DENND1A: variants seen among roughly 807,000 people sequenced by gnomAD.
DENND1A encodes DENN domain containing 1A, also known as DENN domain-containing protein 1A.
In DENND1A, 51 loss-of-function variants were observed where a neutral mutation model predicts 113.7. That is an observed-to-expected ratio of 0.45 (90% CI 0.36 to 0.57). The LOEUF is 0.57. DENND1A is among the 20% of genes least tolerant of loss of function. The pLI is 0.00. For synonymous variants in DENND1A, 565 were observed against 570.8 expected (o/e 0.99, Z 0.14); for missense variants, 1,258 against 1,395.9 (o/e 0.90, Z 1.57).
intron 5 of DENND1A, among the ~76,000 whole-genome samples, chr9:123,707,223 C>T (rs1294383119): frequency 2.0e-5 from 3 of 151,992 alleles, no homozygotes; most frequent in South Asian, 2.1e-4. Context: ...CGAGAAACCT[C>T]GTCTCTACTA....
rs148420252 is a variant in DENND1A, at chr9:123,802,084, G to A, written c.89-9454C>T. 9.8e-5 allele frequency among the ~76,000 whole-genome samples: 15 copies of A among 152,296 alleles called. No individual in the cohort carries two copies. The East Asian group carries it at 2.9e-3, about 29-fold the overall frequency. On this transcript the variant is annotated intron_variant, in intron 2 of 23. Transcript: ENST00000394215. ...GGAACAGCAAAACTGGCACACTCACGTCTATGGCTCCCCAACTCACAAAAC... is the reference window on the plus strand; with the variant it reads ...GGAACAGCAAAACTGGCACACTCACATCTATGGCTCCCCAACTCACAAAAC...
At chr9:123,560,689 CA>C (rs202038661) in intron 12 of DENND1A, among the ~76,000 whole-genome samples, 400 of 110,662 alleles carry the variant, frequency 3.6e-3, no homozygotes, top group Non-Finnish European at 4.3e-3. Context: ...GACCCTGTCT[CA>C]AAAAAAAAAA....
At chr9:123,903,456 G>T (rs1298559351) in intron 1 of DENND1A, among the ~76,000 whole-genome samples, 1 of 151,986 alleles carries the variant, frequency 6.6e-6, no homozygotes, top group African/African-American at 2.4e-5. Context: ...TTCCATCTGA[G>T]GTACCGGGTT....
intron 2 of DENND1A, among the ~76,000 whole-genome samples, chr9:123,867,569 C>T (rs1845956914): frequency 6.6e-6 from 1 of 152,140 alleles, no homozygotes; most frequent in Non-Finnish European, 1.5e-5. Flanking sequence ...TTGAATCAAA[C>T]ATTTTCTTGA....
At chr9:123,832,020 A>T (rs796232334) in intron 2 of DENND1A, among the ~76,000 whole-genome samples, 2 of 152,324 alleles carry the variant, frequency 1.3e-5, no homozygotes, top group African/African-American at 4.8e-5. Flanking sequence ...GAGGTGATGG[A>T]CATGTTGATT....
At chr9:123,794,690 T>C (rs1429108778) in intron 2 of DENND1A, among the ~76,000 whole-genome samples, 1 of 152,192 alleles carries the variant, frequency 6.6e-6, no homozygotes, top group Admixed American at 6.5e-5. Context: ...AAAATACCAT[T>C]CTTATTCCTA....
At chr9:123,585,917 A>G (rs1442609846) in intron 11 of DENND1A, among the ~76,000 whole-genome samples, 4 of 152,210 alleles carry the variant, frequency 2.6e-5, no homozygotes, top group African/African-American at 9.6e-5. Flanking sequence ...GCCACACAGT[A>G]GGATGTAATA....
At chr9:123,914,249 T>C (rs966888755) in intron 1 of DENND1A, among the ~76,000 whole-genome samples, 2 of 151,734 alleles carry the variant, frequency 1.3e-5, no homozygotes, top group Admixed American at 6.6e-5. Flanking sequence ...GCGACTTCTT[T>C]ATAGCAATGC....
At chr9:123,729,912 T>C (rs1383030006) in intron 5 of DENND1A, among the ~76,000 whole-genome samples, 2 of 152,086 alleles carry the variant, frequency 1.3e-5, no homozygotes, top group Non-Finnish European at 2.9e-5. Flanking sequence ...AAAACAGATA[T>C]ATAGACCAAG....
At chr9:123,789,696 C>G (rs1832714479) in intron 3 of DENND1A, among the ~76,000 whole-genome samples, 1 of 152,130 alleles carries the variant, frequency 6.6e-6, no homozygotes, top group Non-Finnish European at 1.5e-5. Context: ...TCTTTTTCCA[C>G]TCTAAAGGCA....
At chr9:123,411,929 A>G (rs2044335744) in intron 19 of DENND1A, 100 bp from the exon 20 acceptor site, 1 of 826,360 alleles carries the variant, frequency 1.2e-6, no homozygotes, top group Non-Finnish European at 1.5e-6. Flanking sequence ...CCTAAGCCAG[A>G]GCCAGAGGGC....
chr9:123,535,896 A>C (rs2055724770), intron 13 of DENND1A, among the ~76,000 whole-genome samples: 1 of 152,216 alleles, frequency 6.6e-6, no homozygotes, highest in Non-Finnish European at 1.5e-5. Flanking sequence ...ACACTCATGA[A>C]AGATATTTTA....
intron 18 of DENND1A, among the ~76,000 whole-genome samples, chr9:123,445,552 T>C (rs748874820): frequency 5.3e-5 from 8 of 152,232 alleles, no homozygotes; most frequent in Non-Finnish European, 1.2e-4. Context: ...GTGGGCAGAC[T>C]GGCTGTTCCA....
chr9:123,783,574 G>A (rs1172885256), intron 3 of DENND1A, among the ~76,000 whole-genome samples: 1 of 152,166 alleles, frequency 6.6e-6, no homozygotes, highest in African/African-American at 2.4e-5. Context: ...CACCCTCATA[G>A]CTATCCTACA....
At chr9:123,818,521 C>T (rs113437503) in intron 2 of DENND1A, among the ~76,000 whole-genome samples, 1,985 of 95,038 alleles carry the variant, frequency 0.021, 49 homozygotes, top group African/African-American at 0.11. Flanking sequence ...CATACATATA[C>T]ACACACACAC....
chr9:123,742,022 G>A (rs534001060), intron 5 of DENND1A, among the ~76,000 whole-genome samples: 14 of 152,348 alleles, frequency 9.2e-5, no homozygotes. Context: ...CTCTCAGAGC[G>A]AAGGGTATCA....
At chr9:123,457,467 T>C in intron 14 of DENND1A, 32 bp from the exon 15 acceptor site, 2 of 1,552,026 alleles carry the variant, frequency 1.3e-6, no homozygotes, top group Non-Finnish European at 8.9e-7. Context: ...GCACAACAGC[T>C]CGTACAAAGA....
chr9:123,557,667 T>G lies in DENND1A; in HGVS notation c.896A>C (p.Lys299Thr). ...VISSLKNRLK[K>T]VSTTTGDGVA... ...ACCATCCCCAGTGGTTGTGGAGACCTTTTTCAGCCTGTTCTTCAGGGAAGA... is the reference window on the plus strand; with the variant it reads ...ACCATCCCCAGTGGTTGTGGAGACCGTTTTCAGCCTGTTCTTCAGGGAAGA... Residue 299 changes from lysine to threonine, a missense_variant, in exon 13 of 24, where the codon AAG becomes ACG. Physicochemically the swap from Lys to Thr is moderately conservative, Grantham distance 78. Around this residue, in one of 2 missense-constraint regions of DENND1A, gnomAD observed 1,159 missense variants for 1,231.7 expected, o/e 0.94. Coordinates refer to ENST00000394215, the MANE Select transcript of DENND1A (RefSeq NM_001352964.2). The G allele has an allele frequency of 6.2e-7, 1 of 1,611,266 alleles. No homozygotes were observed. Among genetic ancestry groups the G allele is most frequent in the Non-Finnish European group, 8.5e-7 (1 of 1,178,290 alleles).
At chr9:123,603,735 T>C (rs539821133) in intron 11 of DENND1A, among the ~76,000 whole-genome samples, 9 of 152,122 alleles carry the variant, frequency 5.9e-5, no homozygotes, top group Non-Finnish European at 1.2e-4. Flanking sequence ...AAAAAGTAAC[T>C]AATTCATAAA....
Sources: allele counts gnomAD v4.1 joint callset (sites outside exome capture counted in the v4.1 genomes callset), GRCh38; gene constraint gnomAD v4.1.1; regional missense constraint gnomAD v4.1.1; transcripts MANE v1.5; gene names NCBI Gene and HGNC (gene_info 2026-07-23, HGNC 2026-07-21).